The following ZNF695 variants were observed in gnomAD, a reference collection of about 807,000 sequenced individuals.
The protein encoded by ZNF695 is zinc finger protein SBZF3.
A neutral mutation model predicts 11.2 loss-of-function variants in ZNF695; 11 were observed. The observed-to-expected ratio is 0.98, with a 90% CI of 0.62 to 1.62. The LOEUF (loss-of-function observed/expected upper bound fraction) is 1.62, where lower values mean the gene tolerates loss of function less well. ZNF695 is among the 40% of genes most tolerant of loss of function. ZNF695 has a pLI of 0.00. For synonymous variants in ZNF695, 190 were observed against 201.4 expected, an observed-to-expected ratio of 0.94 and a Z score of 0.48; for missense variants, 559 against 590.5, an observed-to-expected ratio of 0.95 and a Z score of 0.55.
Position 246,988,087 on chromosome 1 carries a change from C to T in ZNF695, c.428G>A (p.Gly143Glu), listed in dbSNP as rs747510806. ...EWKGQKASYN[G>E]LDLCSATTHS... ...AGTAGTTGCTGAGCATAGGTCAAGT[C>T]CATTATAACTTGCCTTCTGCCCTTT... The change falls in exon 4 of 4, where the codon GGA (glycine) becomes GAA (glutamate). Residue 143 changes from glycine (G) to glutamate (E), a missense_variant. Physicochemically the swap from Gly to Glu is moderately conservative, Grantham distance 98. Coordinates refer to ENST00000339986, the MANE Select transcript of ZNF695 (RefSeq NM_020394.5). 1.9e-6 allele frequency: 3 copies of T among 1,613,210 alleles called. No individual in the cohort carries two copies. Among genetic ancestry groups the T allele is most frequent in the Admixed American group, 1.7e-5 (1 of 59,832 alleles).
intron 5 of ZNF695, among the ~76,000 whole-genome samples, chr1:246,958,732 C>T (rs373023037): frequency 3.3e-4 from 50 of 152,238 alleles, no homozygotes; most frequent in African/African-American, 9.6e-4. Context: ...ACCATGGAAA[C>T]GGTGCGAGAT....
intron 5 of ZNF695, among the ~76,000 whole-genome samples, chr1:246,948,290 T>C (rs989094193): frequency 6.6e-6 from 1 of 151,928 alleles, no homozygotes; most frequent in Admixed American, 6.6e-5. Flanking sequence ...GCCAGGCTGG[T>C]CTTGAACTCC....
chr1:247,003,012 G>A (rs529144382), intron 1 of ZNF695, among the ~76,000 whole-genome samples: 22 of 152,300 alleles, frequency 1.4e-4, no homozygotes, highest in African/African-American at 5.3e-4. Flanking sequence ...CCTATACACT[G>A]CTGGTGAAAA....
intron 4 of ZNF695, chr1:246,968,614 AC>A (rs752618221): frequency 1.3e-5 from 2 of 152,230 alleles, no homozygotes; most frequent in Non-Finnish European, 2.9e-5. Flanking sequence ...CCTCCACAGT[AC>A]CCTAGTAGAG....
chr1:246,979,215 C>T (rs1259885418), intron 4 of ZNF695, among the ~76,000 whole-genome samples: 1 of 152,176 alleles, frequency 6.6e-6, no homozygotes, highest in African/African-American at 2.4e-5. Flanking sequence ...GGGGAGATAA[C>T]TCAAAAATAG....
At chr1:246,981,138 T>C (rs952660101), downstream of ZNF695, among the ~76,000 whole-genome samples, 10 of 152,208 alleles carry the variant, frequency 6.6e-5, no homozygotes, top group African/African-American at 2.2e-4. Flanking sequence ...TAAATGTTCA[T>C]CAATAATCAT....
rs138717954 is a variant in ZNF695 at position 246,977,665 on chromosome 1, T to G, written c.391-9873A>C. Among the ~76,000 whole-genome samples, 1,337 of 152,348 alleles carry G rather than the reference T, an allele frequency of 8.8e-3. 11 individuals carry two copies. The highest frequency in any genetic ancestry group is 0.037 in the Middle Eastern group (11 of 294). ...TCAGAGTTTTTATGACATTGGTGAT[T>G]TCATTTTGATTCTAAAAACTTTCAT... On this transcript the variant is annotated intron_variant, in intron 4 of 5. Transcript: ENST00000487338.
chr1:246,989,095 G>GAA lies in ZNF695; in HGVS notation c.260-842_260-841dup, dbSNP rs113654474. Among the ~76,000 whole-genome samples, 617 of 113,552 alleles carry GAA rather than the reference G, an allele frequency of 5.4e-3. 6 individuals carry two copies. The highest frequency in any genetic ancestry group is 0.014 in the African/African-American group (441 of 32,092). The allele number at this position is 113,552 out of a possible 152,430, so 74.5% of individuals were successfully genotyped here. On this transcript the variant is annotated intron_variant, in intron 3 of 3. Transcript: ENST00000339986. Reference sequence around the variant, plus strand: ...GGCAACAGAGCGAGACTCCGTCTCAGAAAAAAAAAAAAAAACGACATTAAT... The same window carrying GAA: ...GGCAACAGAGCGAGACTCCGTCTCAGAAAAAAAAAAAAAAAAACGACATTAAT...
intron 5 of ZNF695, among the ~76,000 whole-genome samples, chr1:246,965,269 A>G (rs1379105509): frequency 6.6e-6 from 1 of 151,116 alleles, no homozygotes; most frequent in East Asian, 2.0e-4. Flanking sequence ...AGGCAGGAGA[A>G]TGGCGTGAAC....
At chr1:246,985,192 A>G, downstream of ZNF695, 1 of 596,286 alleles carries the variant, frequency 1.7e-6, no homozygotes, top group Non-Finnish European at 2.1e-6. Context: ...TAGTATATTT[A>G]TGTATTTATC....
chr1:246,994,037 G>A (rs919839033), intron 3 of ZNF695, among the ~76,000 whole-genome samples: 1 of 152,064 alleles, frequency 6.6e-6, no homozygotes, highest in African/African-American at 2.4e-5. Flanking sequence ...TTAGCTGGGC[G>A]TGATGGCACA....
chr1:246,945,867 A>G (rs1667722076), intron 5 of ZNF695: 2 of 1,549,330 alleles, frequency 1.3e-6, no homozygotes, highest in Non-Finnish European at 1.7e-6. Flanking sequence ...TAAGGTTCCG[A>G]GTAGCTCCTT....
downstream of ZNF695, among the ~76,000 whole-genome samples, chr1:246,984,801 T>G (rs977621934): frequency 6.6e-6 from 1 of 152,254 alleles, no homozygotes; most frequent in African/African-American, 2.4e-5. Context: ...ATTCACATCT[T>G]CAGATTATTT....
intron 5 of ZNF695, among the ~76,000 whole-genome samples, chr1:246,953,601 G>T (rs907225034): frequency 6.6e-6 from 1 of 151,062 alleles, no homozygotes; most frequent in Non-Finnish European, 1.5e-5. Context: ...GACAGAGCAA[G>T]ACTCCATCTC....
rs765721712 is a variant in ZNF695, at chr1:246,987,334, T to C, written c.1181A>G (p.Tyr394Cys). 6.2e-6 allele frequency: 10 copies of C among 1,613,692 alleles called. No homozygotes were observed. Among genetic ancestry groups the C allele is most frequent in the Non-Finnish European group, 8.5e-6 (10 of 1,179,912 alleles). Residue 394 changes from tyrosine to cysteine, a missense_variant, in exon 4 of 4, where the codon TAC becomes TGC. Transcript: ENST00000339986. ...ECGKAFTWFSYLIQHKRIHTG... is the reference protein window; with the variant it reads ...ECGKAFTWFSCLIQHKRIHTG... ...ATGAATTCTCTTATGCTGAATAAGG[T>C]ATGAGAACCAGGTAAAAGCTTTGCC... is the stretch of plus-strand genomic sequence containing the variant.
At chr1:246,965,209 T>G (rs1400280396) in intron 5 of ZNF695, among the ~76,000 whole-genome samples, 2 of 151,792 alleles carry the variant, frequency 1.3e-5, no homozygotes, top group Non-Finnish European at 2.9e-5. Context: ...TATAAAACAT[T>G]AGCTGGGCAT....
chr1:246,965,311 A>C (rs1294309031), intron 5 of ZNF695, among the ~76,000 whole-genome samples: 6 of 144,642 alleles, frequency 4.1e-5, no homozygotes, highest in African/African-American at 1.0e-4. Context: ...GAGCCGAGAT[A>C]GCGCCACTGC....
intron 5 of ZNF695, chr1:246,967,467 G>C (rs934978441): frequency 2.2e-6 from 1 of 456,160 alleles, no homozygotes; most frequent in Admixed American, 2.4e-5. Flanking sequence ...CATGAATGGG[G>C]GATAAAAGAG....
chr1:246,986,918 A>G lies in ZNF695; in HGVS notation c.*49T>C, dbSNP rs1411388294. 6.6e-7 allele frequency: 1 copy of G among 1,519,952 alleles called. No individual in the cohort carries two copies. Among genetic ancestry groups the G allele is most frequent in the Non-Finnish European group, 8.8e-7 (1 of 1,138,094 alleles). The allele number at this position is 1,519,952 out of a possible 1,614,324, so 94.2% of individuals were successfully genotyped here. On this transcript the variant is annotated 3_prime_UTR_variant, in exon 4 of 4. Transcript: ENST00000339986. Reference sequence around the variant, plus strand: ...AAAAATATTCTGCTGTGAAGTTGTGAATAGGTATTAAAGACTATGCCATAT... The same window carrying G: ...AAAAATATTCTGCTGTGAAGTTGTGGATAGGTATTAAAGACTATGCCATAT...
Sources: allele counts gnomAD v4.1 joint callset (sites outside exome capture counted in the v4.1 genomes callset), GRCh38; gene constraint gnomAD v4.1.1; transcripts MANE v1.5; gene names NCBI Gene and HGNC (gene_info 2026-07-23, HGNC 2026-07-21).